The following CDC73 variants were observed in gnomAD, a reference collection of about 807,000 sequenced individuals.
The protein encoded by CDC73 is cell division cycle 73, also known as parafibromin.
Under a neutral mutation model 83.7 loss-of-function variants are expected in CDC73, and 21 were observed. The observed-to-expected ratio is 0.25, with a 90% confidence interval of 0.18 to 0.36. The LOEUF (loss-of-function observed/expected upper bound fraction) is 0.36. CDC73 is among the 10% of genes least tolerant of loss of function. The pLI is 1.00. For missense variants in CDC73, 342 were observed against 653.3 expected (o/e 0.52, Z 5.19); for synonymous variants, 224 against 212.9 (o/e 1.05, Z -0.45).
intron 15 of CDC73, among the ~76,000 whole-genome samples, chr1:193,246,313 A>C (rs1677952614): frequency 6.6e-6 from 1 of 152,042 alleles, no homozygotes. Flanking sequence ...ATCTAGTTTC[A>C]TTCTTCTGTA....
At chr1:193,248,116 C>G (rs1464830942) in intron 15 of CDC73, among the ~76,000 whole-genome samples, 1 of 152,042 alleles carries the variant, frequency 6.6e-6, no homozygotes, top group Non-Finnish European at 1.5e-5. Flanking sequence ...CAGACTGACT[C>G]TTTTGTTAGG....
intron 15 of CDC73, among the ~76,000 whole-genome samples, chr1:193,244,927 A>G (rs1488162852): frequency 3.3e-5 from 5 of 152,192 alleles, no homozygotes; most frequent in South Asian, 2.1e-4. Flanking sequence ...CTTGGTCACT[A>G]TGTGTCTTTA....
At chr1:193,154,191 T>A (rs796605752) in intron 10 of CDC73, among the ~76,000 whole-genome samples, 3 of 152,330 alleles carry the variant, frequency 2.0e-5, no homozygotes, top group African/African-American at 7.2e-5. Flanking sequence ...AGTGAATTAG[T>A]CGTAGAATGA....
rs532676648 is a variant in CDC73, at chr1:193,232,173, T to C, written c.1155-820T>C. On this transcript the variant is annotated intron_variant, in intron 13 of 16. Coordinates refer to ENST00000367435, the MANE Select transcript of CDC73 (RefSeq NM_024529.5). Reference sequence around the variant, plus strand: ...ATGCACTGATTTAATTTTCATACTTTAAAATTTTCAAGGCTACTCTGAAGT... The same window carrying C: ...ATGCACTGATTTAATTTTCATACTTCAAAATTTTCAAGGCTACTCTGAAGT... 2.2e-3 allele frequency among the ~76,000 whole-genome samples: 334 copies of C among 152,238 alleles called. 1 individual carries two copies. Among genetic ancestry groups the C allele is most frequent in the Non-Finnish European group, 3.6e-3 (248 of 67,998 alleles).
At chr1:193,243,688 A>G (rs1331920341) in intron 15 of CDC73, among the ~76,000 whole-genome samples, 1 of 152,140 alleles carries the variant, frequency 6.6e-6, no homozygotes, top group Non-Finnish European at 1.5e-5. Context: ...TTAATTGACA[A>G]ATTTATTTTA....
chr1:193,196,234 T>A (rs1402893154), intron 10 of CDC73, among the ~76,000 whole-genome samples: 4 of 152,236 alleles, frequency 2.6e-5, no homozygotes, highest in African/African-American at 4.8e-5. Flanking sequence ...CAGCACCATT[T>A]GTTGAAAAGG....
At chr1:193,136,806 G>A (rs746115729) in intron 5 of CDC73, among the ~76,000 whole-genome samples, 4 of 152,120 alleles carry the variant, frequency 2.6e-5, no homozygotes, top group Non-Finnish European at 4.4e-5. Context: ...TGCCCACCTC[G>A]GCCTCCCGAA....
intron 13 of CDC73, among the ~76,000 whole-genome samples, chr1:193,214,430 A>G (rs1373390790): frequency 1.3e-5 from 2 of 152,122 alleles, no homozygotes; most frequent in African/African-American, 2.4e-5. Flanking sequence ...AAAAATGCAG[A>G]TTATTGGCTG....
At chr1:193,145,707 G>A (rs977312060) in intron 7 of CDC73, among the ~76,000 whole-genome samples, 1 of 151,978 alleles carries the variant, frequency 6.6e-6, no homozygotes, top group South Asian at 2.1e-4. Context: ...GAGTGCAAAG[G>A]GGTCCTGAGA....
At chr1:193,144,859 GA>G (rs1445699220) in intron 7 of CDC73, among the ~76,000 whole-genome samples, 1 of 148,380 alleles carries the variant, frequency 6.7e-6, no homozygotes, top group Non-Finnish European at 1.5e-5. Context: ...TTTGTTCCTT[GA>G]AGGAAAGCAA....
intron 7 of CDC73, among the ~76,000 whole-genome samples, chr1:193,147,373 CTTTTTTTTTT>C (rs945525186): frequency 1.5e-5 from 2 of 137,398 alleles, no homozygotes; most frequent in Non-Finnish European, 3.2e-5. Context: ...TTTTTTTTTT[CTTTTTTTTTT>C]TTGAGATGGA....
chr1:193,228,394 C>T (rs772826794), intron 13 of CDC73, among the ~76,000 whole-genome samples: 9 of 152,138 alleles, frequency 5.9e-5, no homozygotes, highest in African/African-American at 9.6e-5. Context: ...ACAGTTATTA[C>T]GGAGGAACAA....
chr1:193,239,517 T>C (rs898249481), intron 15 of CDC73, among the ~76,000 whole-genome samples: 8 of 152,248 alleles, frequency 5.3e-5, no homozygotes, highest in African/African-American at 1.9e-4. Context: ...TCTTTACAAA[T>C]TTAGAATAAG....
At chr1:193,203,594 C>T (rs1232971109) in intron 10 of CDC73, among the ~76,000 whole-genome samples, 2 of 152,092 alleles carry the variant, frequency 1.3e-5, no homozygotes, top group East Asian at 3.9e-4. Flanking sequence ...GATCTCATGA[C>T]TTAATAGCAT....
rs1393021858 is a variant in CDC73 at position 193,253,097 on chromosome 1, A to T, written c.*2385A>T. The T allele has an allele frequency of 4.3e-6, 1 of 232,236 alleles. No homozygotes were observed. Among genetic ancestry groups the T allele is most frequent in the African/African-American group, 2.2e-5 (1 of 45,306 alleles). The allele number at this position is 232,236 out of a possible 1,614,324, so 14.4% of individuals were successfully genotyped here. On this transcript the variant is annotated 3_prime_UTR_variant, in exon 17 of 17. Transcript: ENST00000367435. ...GTAAAGGAAAAAGTTCTATTTCTAT[A>T]TTTATAGGACATTCTTCTCAGTCAA...
At chr1:193,179,632 T>C (rs1676675950) in intron 10 of CDC73, 1 of 152,546 alleles carries the variant, frequency 6.6e-6, no homozygotes, top group Non-Finnish European at 1.5e-5. Flanking sequence ...TTTTCACATT[T>C]TACCACGTCA....
chr1:193,204,583 C>T (rs1677155551), intron 11 of CDC73, among the ~76,000 whole-genome samples: 1 of 151,978 alleles, frequency 6.6e-6, no homozygotes, highest in African/African-American at 2.4e-5. Flanking sequence ...GCCACTGTGC[C>T]CGGCTGATAT....
intron 12 of CDC73, 22 bp from the exon 13 acceptor site, chr1:193,212,368 C>A: frequency 7.3e-7 from 1 of 1,364,646 alleles, no homozygotes; most frequent in Non-Finnish European, 1.0e-6. Context: ...ATATTTTCTA[C>A]CTGTAAATTT....
intron 7 of CDC73, among the ~76,000 whole-genome samples, chr1:193,147,033 C>T (rs1676012587): frequency 6.6e-6 from 1 of 151,806 alleles, no homozygotes; most frequent in Non-Finnish European, 1.5e-5. Flanking sequence ...TGCTCTGTCT[C>T]CCAGGGTGGA....
Sources: allele counts gnomAD v4.1 joint callset (sites outside exome capture counted in the v4.1 genomes callset), GRCh38; gene constraint gnomAD v4.1.1; transcripts MANE v1.5; gene names NCBI Gene and HGNC (gene_info 2026-07-23, HGNC 2026-07-21).